COL23A1: variants seen among roughly 807,000 people sequenced by gnomAD.
COL23A1 encodes the protein collagen type XXIII alpha 1 chain.
In COL23A1, 97 loss-of-function variants were observed where a neutral mutation model predicts 99.3. The observed-to-expected ratio is 0.98, with a 90% CI of 0.83 to 1.16. The LOEUF (loss-of-function observed/expected upper bound fraction) is 1.16, where lower values mean the gene tolerates loss of function less well. Ranked by LOEUF, COL23A1 falls within the 50% of genes most tolerant of loss-of-function variation. The pLI, the probability that COL23A1 is intolerant of heterozygous loss-of-function variation, is 0.00. For synonymous variants in COL23A1, 320 were observed against 308.2 expected, an observed-to-expected ratio of 1.04 and a Z score of -0.40; for missense variants, 762 against 757.4, an observed-to-expected ratio of 1.01 and a Z score of -0.07.
At chr5:178,288,774 G>C (rs1757297003) in intron 4 of COL23A1, among the ~76,000 whole-genome samples, 1 of 144,948 alleles carries the variant, frequency 6.9e-6, no homozygotes, top group African/African-American at 2.8e-5. Context: ...CCAAGAAAGA[G>C]AGCCTTAGAA....
At chr5:178,290,041 C>T (rs185979331) in intron 4 of COL23A1, among the ~76,000 whole-genome samples, 53 of 152,250 alleles carry the variant, frequency 3.5e-4, no homozygotes, top group African/African-American at 1.3e-3. Context: ...AGCAATTTTT[C>T]GTGCCTCGAT....
chr5:178,531,630 A>G (rs1760656944), intron 2 of COL23A1, among the ~76,000 whole-genome samples: 1 of 152,164 alleles, frequency 6.6e-6, no homozygotes, highest in African/African-American at 2.4e-5. Flanking sequence ...TGCAAGCCCA[A>G]CGGATAGGAT....
At chr5:178,509,347 A>T (rs997425234) in intron 2 of COL23A1, among the ~76,000 whole-genome samples, 1 of 151,894 alleles carries the variant, frequency 6.6e-6, no homozygotes, top group Admixed American at 6.6e-5. Context: ...CAGCCTCCCT[A>T]GTAGCTGGGA....
chr5:178,402,069 G>A (rs1312429407), intron 2 of COL23A1, among the ~76,000 whole-genome samples: 2 of 152,186 alleles, frequency 1.3e-5, no homozygotes, highest in Non-Finnish European at 2.9e-5. Flanking sequence ...GCCCACCTCA[G>A]CCTACCAAAG....
intron 2 of COL23A1, among the ~76,000 whole-genome samples, chr5:178,537,206 T>C (rs2113283204): frequency 7.1e-6 from 1 of 141,464 alleles, no homozygotes; most frequent in Middle Eastern, 3.5e-3. Context: ...TCCCCATCTC[T>C]AGACTTCTCT....
chr5:178,249,985 GCACACA>G (rs5873601), intron 18 of COL23A1, 70 bp downstream of exon 18: 358 of 1,306,684 alleles, frequency 2.7e-4, no homozygotes, highest in East Asian at 1.3e-3. Flanking sequence ...ACATGCACAC[GCACACA>G]CACACACACA....
At position 178,259,995 on chromosome 5, in the gene COL23A1, G is replaced by A. The variant is rs115172182; in HGVS notation, c.703-248C>T. Among the ~76,000 whole-genome samples, 1,219 of 152,320 alleles carry A rather than the reference G, an allele frequency of 8.0e-3. 22 individuals are homozygous for A. Among genetic ancestry groups the A allele is most frequent in the African/African-American group, 0.028 (1,164 of 41,560 alleles). On this transcript the variant is annotated intron_variant, in intron 11 of 28. Transcript: ENST00000390654. ...TGAAAGTGGAGAGGTGACTCCTGCC[G>A]TCTCAGAGGGTTTTGGAGGATGAGG...
At chr5:178,418,841 TTCTGGCAGG>T (rs1320990501) in intron 2 of COL23A1, among the ~76,000 whole-genome samples, 1 of 152,178 alleles carries the variant, frequency 6.6e-6, no homozygotes, top group Admixed American at 6.5e-5. Flanking sequence ...GTGGCCCTGA[TTCTGGCAGG>T]ACTGCAGAGA....
chr5:178,359,203 T>G (rs114143429), intron 2 of COL23A1, among the ~76,000 whole-genome samples: 2,092 of 152,276 alleles, frequency 0.014, 52 homozygotes, highest in African/African-American at 0.048. Context: ...AACACCCCAC[T>G]TCTGGGTTGC....
At chr5:178,555,064 G>A (rs1447773176) in intron 2 of COL23A1, among the ~76,000 whole-genome samples, 3 of 152,200 alleles carry the variant, frequency 2.0e-5, no homozygotes, top group Admixed American at 1.3e-4. Context: ...AATGTGATAA[G>A]GTGCCGTCAG....
chr5:178,342,836 G>T (rs1288207539), intron 2 of COL23A1, among the ~76,000 whole-genome samples: 2 of 152,034 alleles, frequency 1.3e-5, no homozygotes, highest in African/African-American at 4.8e-5. Flanking sequence ...CCAAATAGAA[G>T]TAAGAGAAAA....
chr5:178,544,756 GT>G lies in COL23A1; in HGVS notation c.361+15925del, dbSNP rs1219830690. ...AGCCTCCAGGTCACCTGCTGCCCCC[GT>G]GCCACTGGGGTAGTACGTTCGGGCC... On this transcript the variant is annotated intron_variant, in intron 2 of 28. Transcript: ENST00000390654. The surrounding 1 kb of genome is among the most constrained non-coding windows in gnomAD (Gnocchi z 4.4). 1.3e-5 allele frequency among the ~76,000 whole-genome samples: 2 copies of G among 152,130 alleles called. No homozygotes were observed. Among genetic ancestry groups the G allele is most frequent in the African/African-American group, 2.4e-5 (1 of 41,420 alleles).
At chr5:178,425,544 T>G (rs1257434174) in intron 2 of COL23A1, among the ~76,000 whole-genome samples, 4 of 151,734 alleles carry the variant, frequency 2.6e-5, no homozygotes, top group Non-Finnish European at 5.9e-5. Context: ...AAAAGGTGGA[T>G]CTGAACATTG....
In COL23A1 at chr5:178,279,205, T is replaced by C. The variant is rs567300725; in HGVS notation, c.442-8842A>G. On this transcript the variant is annotated intron_variant, in intron 5 of 28. Transcript: ENST00000390654. ...TGGCCTGGCATTCAAGGACAACCTC[T>C]TCCTCCTGAGCGCCTCCTTCCAGAC... 2.0e-5 allele frequency among the ~76,000 whole-genome samples: 3 copies of C among 152,176 alleles called. No individual in the cohort carries two copies. In the South Asian group the frequency reaches 6.2e-4, roughly 32 times the overall value.
chr5:178,361,427 A>G (rs1762168542), intron 2 of COL23A1, among the ~76,000 whole-genome samples: 1 of 152,082 alleles, frequency 6.6e-6, no homozygotes, highest in East Asian at 1.9e-4. Flanking sequence ...CTTGGTGTGA[A>G]TGTGGGCACA....
At chr5:178,408,955 CA>C (rs761044673) in intron 2 of COL23A1, among the ~76,000 whole-genome samples, 30,001 of 71,522 alleles carry the variant, frequency 0.42, 5,870 homozygotes, top group Middle Eastern at 0.5. Context: ...AACTCTGTCT[CA>C]AAAAAAAAAA....
At chr5:178,311,559 C>A (rs977240572) in intron 2 of COL23A1, among the ~76,000 whole-genome samples, 1 of 150,878 alleles carries the variant, frequency 6.6e-6, no homozygotes, top group Non-Finnish European at 1.5e-5. Flanking sequence ...TAAGTGGGTT[C>A]TTTCGTGTGT....
chr5:178,404,054 T>C (rs531732436), intron 2 of COL23A1, among the ~76,000 whole-genome samples: 79 of 152,346 alleles, frequency 5.2e-4, no homozygotes, highest in African/African-American at 1.6e-3. Context: ...TGGGGTCTCC[T>C]GCACCCCATG....
chr5:178,383,076 G>A (rs1184429730), intron 2 of COL23A1, among the ~76,000 whole-genome samples: 1 of 152,140 alleles, frequency 6.6e-6, no homozygotes, highest in African/African-American at 2.4e-5. Context: ...GCTGGTGCAT[G>A]GTTCCCGGAC....
Sources: gnomAD v4.1 joint callset for allele counts (sites outside exome capture counted in the v4.1 genomes callset) on GRCh38, gnomAD v4.1.1 for gene constraint, Gnocchi (gnomAD v3.1) non-coding constraint, MANE v1.5 for transcripts, NCBI Gene and HGNC (gene_info 2026-07-23, HGNC 2026-07-21) for gene names.